CCDC18: variants seen among roughly 807,000 people sequenced by gnomAD.
CCDC18 encodes the protein coiled-coil domain-containing protein 18.
Under a neutral mutation model 196.0 loss-of-function variants are expected in CCDC18, and 157 were observed. The observed-to-expected ratio is 0.80, with a 90% confidence interval of 0.70 to 0.91. The LOEUF is 0.91. Among genes scored for constraint, CCDC18 ranks in the 40% least tolerant of loss-of-function variants. The probability of loss-of-function intolerance (pLI) is 0.00; values close to 1 mark genes in which losing one functional copy is unlikely to be tolerated. For missense variants in CCDC18, 1,465 were observed against 1,611.6 expected (o/e 0.91, Z 1.56); for synonymous variants, 482 against 529.2 (o/e 0.91, Z 1.22).
intron 26 of CCDC18, among the ~76,000 whole-genome samples, chr1:93,260,088 TA>T (rs1350823916): frequency 1.3e-5 from 2 of 151,990 alleles, no homozygotes; most frequent in African/African-American, 4.8e-5. Flanking sequence ...TAGCTGGGAG[TA>T]AAAGCACACG....
intron 25 of CCDC18, 77 bp from the exon 26 acceptor site, chr1:93,258,671 T>C: frequency 8.6e-7 from 1 of 1,166,432 alleles, no homozygotes. Flanking sequence ...CTACTTCCAA[T>C]AATGCACTGG....
chr1:93,180,589 G>T (rs759254531), upstream of CCDC18: 1 of 1,385,580 alleles, frequency 7.2e-7, no homozygotes, highest in Non-Finnish European at 9.6e-7. Flanking sequence ...AGTCCCGGGC[G>T]GGCTCCGCTA....
At chr1:93,258,479 T>C (rs1663332046) in intron 25 of CCDC18, among the ~76,000 whole-genome samples, 1 of 152,184 alleles carries the variant, frequency 6.6e-6, no homozygotes, top group African/African-American at 2.4e-5. Context: ...TTCAGTGTCC[T>C]GAGGTTATTA....
chr1:93,231,187 A>T (rs1438649471), intron 17 of CCDC18, among the ~76,000 whole-genome samples: 5 of 152,214 alleles, frequency 3.3e-5, no homozygotes, highest in Admixed American at 6.5e-5. Flanking sequence ...TCCGCTATTT[A>T]CTATAAGGAG....
In CCDC18 at chr1:93,216,691, T is replaced by C. The variant is rs773952480; in HGVS notation, c.1775T>C (p.Ile592Thr). ...LTLEKQLEEK[I>T]VAYSSIAAKN... Reference sequence around the variant, plus strand: ...CTTGAGAAACAGCTGGAAGAAAAGATAGTTGCTTATTCCTCTATTGCTGCA... The same window carrying C: ...CTTGAGAAACAGCTGGAAGAAAAGACAGTTGCTTATTCCTCTATTGCTGCA... The change falls in exon 13 of 29, where the codon ATA (isoleucine) becomes ACA (threonine). Residue 592 changes from isoleucine (I) to threonine (T), a missense_variant. Coordinates refer to ENST00000690025, the MANE Select transcript of CCDC18 (RefSeq NM_001378204.1). 6.3e-6 allele frequency: 10 copies of C among 1,589,366 alleles called. No individual in the cohort carries two copies. The highest frequency in any genetic ancestry group is 7.7e-6 in the Non-Finnish European group (9 of 1,170,404).
intron 18 of CCDC18, among the ~76,000 whole-genome samples, chr1:93,233,504 C>T (rs954069160): frequency 2.0e-5 from 3 of 151,918 alleles, no homozygotes; most frequent in East Asian, 1.9e-4. Flanking sequence ...GTCATTTTTT[C>T]GGTCTTTTAT....
At chr1:93,235,149 ATTTAG>A (rs1659904436) in intron 18 of CCDC18, among the ~76,000 whole-genome samples, 1 of 151,850 alleles carries the variant, frequency 6.6e-6, no homozygotes, top group African/African-American at 2.4e-5. Context: ...TATGATCTAT[ATTTAG>A]TTCTTCAGTG....
In CCDC18 at chr1:93,239,410, CTCTCTCAAT is replaced by C. The variant is rs778204850; in HGVS notation, c.2706_2714del (p.Ser903_Leu905del). The C allele has an allele frequency of 1.9e-4, 305 of 1,612,970 alleles. No homozygotes were observed. Among genetic ancestry groups the C allele is most frequent in the Non-Finnish European group, 2.4e-4 (284 of 1,179,456 alleles). On this transcript the variant is annotated inframe_deletion, in exon 20 of 29. Coordinates refer to ENST00000690025, the MANE Select transcript of CCDC18 (RefSeq NM_001378204.1). ...AGATGGAGAAAATAAAGCAATGCAC[CTCTCTCAAT>C]TAGATATGATCTTAGATCAGACAAA...
chr1:93,234,878 G>C (rs1276136478), intron 18 of CCDC18, among the ~76,000 whole-genome samples: 1 of 148,872 alleles, frequency 6.7e-6, no homozygotes, highest in Non-Finnish European at 1.5e-5. Context: ...AACTTCCCTG[G>C]GCTCAGGTGA....
At position 93,216,571 on chromosome 1, in the gene CCDC18, GA is replaced by G. The variant is rs1313895063; in HGVS notation, c.1720-64del. 1.3e-5 allele frequency: 10 copies of G among 766,612 alleles called. No individual in the cohort carries two copies. The African/African-American group carries it at 1.8e-4, about 14-fold the overall frequency. 47.5% of individuals were successfully genotyped at this position (766,612 alleles called of 1,614,324 possible). A position where few individuals can be genotyped will look rare whatever the true frequency, so the allele number is the denominator to read the frequency against. ...AACTTTGAAAGAGGAGCAGGTGTTTGATCTTAGAATGCAAAATCATTACCTT... is the reference window on the plus strand; with the variant it reads ...AACTTTGAAAGAGGAGCAGGTGTTTGTCTTAGAATGCAAAATCATTACCTT... On this transcript the variant is annotated intron_variant, in intron 12 of 28. Coordinates refer to ENST00000690025, the MANE Select transcript of CCDC18 (RefSeq NM_001378204.1).
intron 1 of CCDC18, among the ~76,000 whole-genome samples, chr1:93,181,891 C>G (rs1490533435): frequency 6.6e-6 from 1 of 152,050 alleles, no homozygotes; most frequent in Non-Finnish European, 1.5e-5. Context: ...CTGGGATTAC[C>G]GGCGTGAGCC....
intron 17 of CCDC18, among the ~76,000 whole-genome samples, chr1:93,231,419 TA>T (rs764503837): frequency 7.2e-5 from 11 of 152,162 alleles, no homozygotes; most frequent in Non-Finnish European, 1.6e-4. Context: ...TTTAACTTTA[TA>T]AATTTTTATG....
At chr1:93,248,799 C>G (rs1433299304) in intron 23 of CCDC18, among the ~76,000 whole-genome samples, 1 of 151,900 alleles carries the variant, frequency 6.6e-6, no homozygotes, top group Non-Finnish European at 1.5e-5. Flanking sequence ...CTGGAGAAAC[C>G]CCATCTCTAT....
intron 14 of CCDC18, among the ~76,000 whole-genome samples, chr1:93,218,371 A>T (rs1656839810): frequency 6.6e-6 from 1 of 152,212 alleles, no homozygotes; most frequent in Non-Finnish European, 1.5e-5. Flanking sequence ...TATAAAGCTT[A>T]ATTTATAAAT....
chr1:93,193,524 T>A (rs1652190634), intron 5 of CCDC18, 92 bp from the exon 6 acceptor site: 2 of 814,260 alleles, frequency 2.5e-6, no homozygotes, highest in Non-Finnish European at 3.6e-6. Context: ...ACTCATTGAT[T>A]TAAACAAATA....
At chr1:93,211,501 A>AT (rs1313436914) in intron 10 of CCDC18, among the ~76,000 whole-genome samples, 1 of 151,970 alleles carries the variant, frequency 6.6e-6, no homozygotes, top group Non-Finnish European at 1.5e-5. Flanking sequence ...GACTAGTCCC[A>AT]TTTTTCCCCT....
chr1:93,267,796 C>T (rs543471407), intron 27 of CCDC18, among the ~76,000 whole-genome samples: 5 of 152,240 alleles, frequency 3.3e-5, no homozygotes, highest in Admixed American at 2.0e-4. Context: ...AGGACACAAA[C>T]AAATGGGAGA....
chr1:93,260,604 GT>G (rs1362091593), intron 26 of CCDC18, among the ~76,000 whole-genome samples: 5 of 151,416 alleles, frequency 3.3e-5, no homozygotes, highest in South Asian at 2.1e-4. Flanking sequence ...ATTTTTAACA[GT>G]TTTTTTTATT....
Position 93,191,906 on chromosome 1 carries a change from T to C in CCDC18, c.463-94T>C, listed in dbSNP as rs867919362. 1.2e-4 allele frequency: 93 copies of C among 757,732 alleles called. 1 individual carries two copies. The Middle Eastern group carries it at 1.4e-3, about 12-fold the overall frequency. The allele number at this position is 757,732 out of a possible 1,614,324, so 46.9% of individuals were successfully genotyped here. The stretch of plus-strand genomic sequence containing the variant: ...TATCTGACCAATGATTTGGGAGCCC[T>C]ATTGAACACCCTCATCTGACAGGAA... On this transcript the variant is annotated intron_variant, in intron 4 of 28. Transcript: ENST00000690025.
Sources: allele counts gnomAD v4.1 joint callset (sites outside exome capture counted in the v4.1 genomes callset), GRCh38; gene constraint gnomAD v4.1.1; transcripts MANE v1.5; gene names NCBI Gene and HGNC (gene_info 2026-07-23, HGNC 2026-07-21).